ADAMTSL1: variants seen among roughly 807,000 people sequenced by gnomAD.
ADAMTSL1 encodes ADAMTS like 1.
A neutral mutation model predicts 201.8 loss-of-function variants in ADAMTSL1; 126 were observed. The observed-to-expected ratio is 0.62, with a 90% CI of 0.54 to 0.72. ADAMTSL1 has a LOEUF of 0.72. Ranked by LOEUF, ADAMTSL1 falls within the 30% of genes least tolerant of loss-of-function variation. ADAMTSL1 has a pLI of 0.00. For synonymous variants in ADAMTSL1, 1,121 were observed against 903.4 expected, an observed-to-expected ratio of 1.24 and a Z score of -4.32; for missense variants, 2,679 against 2,277.8, an observed-to-expected ratio of 1.18 and a Z score of -3.59.
chr9:18,884,951 C>A (rs1429679037), intron 23 of ADAMTSL1, among the ~76,000 whole-genome samples: 1 of 152,156 alleles, frequency 6.6e-6, no homozygotes, highest in Non-Finnish European at 1.5e-5. Flanking sequence ...ATGGGGATTG[C>A]ATTCAATCTG....
intron 1 of ADAMTSL1, among the ~76,000 whole-genome samples, chr9:18,092,341 G>T (rs1166194080): frequency 2.0e-5 from 3 of 152,170 alleles, no homozygotes; most frequent in Non-Finnish European, 4.4e-5. Context: ...CGCAAAGGAA[G>T]TGACATTTTT....
At chr9:18,764,186 C>A (rs1165590054) in intron 16 of ADAMTSL1, among the ~76,000 whole-genome samples, 1 of 152,050 alleles carries the variant, frequency 6.6e-6, no homozygotes, top group East Asian at 1.9e-4. Flanking sequence ...GTGTCTTAAA[C>A]TTTTCATTAT....
chr9:18,092,110 A>G lies in ADAMTSL1; in HGVS notation c.88-71752A>G, dbSNP rs370743244. Among the ~76,000 whole-genome samples the G allele has an allele frequency of 9.8e-5, 15 of 152,290 alleles. No individual in the cohort carries two copies. The East Asian group carries it at 1.2e-3, about 12-fold the overall frequency. ...GATTACCTGAAAAAATAATCATTCA[A>G]AAAATGTTTGCTTGGCATCGTCTAT... On this transcript the variant is annotated intron_variant, in intron 1 of 29. Coordinates refer to the ADAMTSL1 transcript ENST00000680146.
chr9:18,504,806 G>T, intron 1 of ADAMTSL1, 23 bp from the exon 2 acceptor site: 1 of 1,614,188 alleles, frequency 6.2e-7, no homozygotes, highest in Non-Finnish European at 8.5e-7. Context: ...ATATGATGCT[G>T]ACCATTCTTT....
chr9:18,209,746 C>T (rs1394696458), intron 2 of ADAMTSL1, among the ~76,000 whole-genome samples: 3 of 152,156 alleles, frequency 2.0e-5, no homozygotes, highest in Admixed American at 6.6e-5. Flanking sequence ...TTACTTCTCT[C>T]CTGATTATTT....
chr9:18,680,286 C>T, intron 10 of ADAMTSL1, 26 bp from the exon 11 acceptor site: 1 of 1,609,646 alleles, frequency 6.2e-7, no homozygotes, highest in Non-Finnish European at 8.5e-7. Flanking sequence ...GCATGTCTGC[C>T]CTGATGACTC....
intron 2 of ADAMTSL1, among the ~76,000 whole-genome samples, chr9:18,437,180 C>T (rs1336284234): frequency 6.6e-6 from 1 of 151,988 alleles, no homozygotes; most frequent in East Asian, 1.9e-4. Flanking sequence ...AACCCTCTTG[C>T]AAATCCACTG....
At chr9:18,362,573 T>A (rs1460449629) in intron 2 of ADAMTSL1, among the ~76,000 whole-genome samples, 1 of 152,222 alleles carries the variant, frequency 6.6e-6, no homozygotes, top group Non-Finnish European at 1.5e-5. Flanking sequence ...TCACTCTGCA[T>A]AAGATGAAAT....
At chr9:18,358,609 T>C (rs1836362633) in intron 2 of ADAMTSL1, among the ~76,000 whole-genome samples, 1 of 152,192 alleles carries the variant, frequency 6.6e-6, no homozygotes, top group African/African-American at 2.4e-5. Context: ...ACATATTATA[T>C]AAATGTAATC....
chr9:18,820,034 T>C (rs1403791947), intron 21 of ADAMTSL1, among the ~76,000 whole-genome samples: 1 of 152,250 alleles, frequency 6.6e-6, no homozygotes, highest in East Asian at 1.9e-4. Flanking sequence ...AGTGACCTCC[T>C]GATTGGTTAG....
intron 2 of ADAMTSL1, among the ~76,000 whole-genome samples, chr9:18,217,871 C>T (rs10810929): frequency 0.52 from 78,783 of 151,376 alleles, 20,813 homozygotes; most frequent in East Asian, 0.7. Flanking sequence ...TTTTCTGTGC[C>T]TTGAGGCAAT....
chr9:18,631,231 A>G (rs901671458), intron 5 of ADAMTSL1, among the ~76,000 whole-genome samples: 1 of 152,220 alleles, frequency 6.6e-6, no homozygotes, highest in African/African-American at 2.4e-5. Flanking sequence ...TGGCCTAGGC[A>G]AATGGAAGGA....
At chr9:18,212,931 G>T (rs1259130641) in intron 2 of ADAMTSL1, among the ~76,000 whole-genome samples, 1 of 152,124 alleles carries the variant, frequency 6.6e-6, no homozygotes, top group Non-Finnish European at 1.5e-5. Flanking sequence ...TTTACCTTTT[G>T]AATAGAATTT....
At chr9:17,935,748 A>T (rs1826981315) in intron 1 of ADAMTSL1, among the ~76,000 whole-genome samples, 1 of 152,174 alleles carries the variant, frequency 6.6e-6, no homozygotes, top group African/African-American at 2.4e-5. Flanking sequence ...GACCATCTTG[A>T]TTCAAATGAT....
intron 7 of ADAMTSL1, among the ~76,000 whole-genome samples, chr9:18,653,635 AAC>A (rs1828436856): frequency 1.5e-5 from 2 of 132,212 alleles, no homozygotes; most frequent in Non-Finnish European, 3.3e-5. Context: ...AAAAAAAAAA[AAC>A]TCTGAGCTAG....
At chr9:18,019,291 G>T (rs1025588734) in intron 1 of ADAMTSL1, among the ~76,000 whole-genome samples, 5 of 151,994 alleles carry the variant, frequency 3.3e-5, no homozygotes, top group African/African-American at 7.2e-5. Context: ...TAAACGAAAA[G>T]GAGTCAGGAC....
intron 21 of ADAMTSL1, 101 bp downstream of exon 21, chr9:18,817,338 G>A: frequency 8.2e-7 from 1 of 1,217,324 alleles, no homozygotes. Flanking sequence ...CAGGGATATA[G>A]TGCTAGTAGG....
chr9:18,849,361 G>T (rs1200779663), intron 23 of ADAMTSL1, among the ~76,000 whole-genome samples: 2 of 152,098 alleles, frequency 1.3e-5, no homozygotes, highest in African/African-American at 4.8e-5. Context: ...CCTGGATCGG[G>T]CACTTCCTGG....
chr9:18,284,281 A>T (rs556244664), intron 2 of ADAMTSL1, among the ~76,000 whole-genome samples: 19 of 152,328 alleles, frequency 1.2e-4, no homozygotes, highest in Non-Finnish European at 1.3e-4. Flanking sequence ...GATAAAAAAT[A>T]GATGATGATA....
Sources: gnomAD v4.1 joint callset for allele counts (sites outside exome capture counted in the v4.1 genomes callset) on GRCh38, gnomAD v4.1.1 for gene constraint, MANE v1.5 for transcripts, NCBI Gene and HGNC (gene_info 2026-07-23, HGNC 2026-07-21) for gene names.